Variants in ERICH1 observed in about 807,000 individuals in gnomAD.
The protein encoded by ERICH1 is glutamate rich 1.
ERICH1 carries 56 observed loss-of-function variants against 39.6 expected under a neutral mutation model. The observed-to-expected ratio is 1.41, with a 90% CI of 1.14 to 1.77. The LOEUF is 1.77. ERICH1 is among the 40% of genes most tolerant of loss of function. The probability of loss-of-function intolerance (pLI) is 0.00; values close to 1 mark genes in which losing one functional copy is unlikely to be tolerated. For synonymous variants in ERICH1, 313 were observed against 223.6 expected (o/e 1.40, Z -3.57); for missense variants, 826 against 575.4 (o/e 1.44, Z -4.45).
intron 1 of ERICH1, among the ~76,000 whole-genome samples, chr8:716,725 G>A (rs916689254): frequency 6.6e-6 from 1 of 152,200 alleles, no homozygotes; most frequent in African/African-American, 2.4e-5. Flanking sequence ...TCGCACAGTG[G>A]AAATCAGCAC....
intron 1 of ERICH1, among the ~76,000 whole-genome samples, chr8:722,271 C>A (rs1484674758): frequency 1.3e-5 from 2 of 151,290 alleles, no homozygotes. Context: ...ACGAAGCAGG[C>A]CAAGCAATCA....
intron 1 of ERICH1, among the ~76,000 whole-genome samples, chr8:721,483 G>A (rs57131701): frequency 0.15 from 23,020 of 152,220 alleles, 2,071 homozygotes; most frequent in East Asian, 0.45. Context: ...CAAGCGCCGA[G>A]CGTGCGGCCC....
intron 2 of ERICH1, among the ~76,000 whole-genome samples, chr8:695,036 C>T (rs1204427149): frequency 2.0e-5 from 3 of 152,128 alleles, no homozygotes; most frequent in Non-Finnish European, 4.4e-5. Context: ...CGTGGTGGCT[C>T]GGAGCCCTAG....
At chr8:644,081 G>A (rs893568298) in intron 3 of ERICH1, among the ~76,000 whole-genome samples, 14 of 152,214 alleles carry the variant, frequency 9.2e-5, no homozygotes, top group Non-Finnish European at 7.3e-5. Flanking sequence ...GACACAAATC[G>A]GGGAAGGTGT....
At chr8:730,226 G>T (rs1819665222) in intron 1 of ERICH1, among the ~76,000 whole-genome samples, 1 of 152,236 alleles carries the variant, frequency 6.6e-6, no homozygotes, top group Non-Finnish European at 1.5e-5. Context: ...CTGAAGGAGA[G>T]GGGGAAGCCC....
At chr8:730,866 G>T (rs1283653431) in intron 1 of ERICH1, among the ~76,000 whole-genome samples, 1 of 152,202 alleles carries the variant, frequency 6.6e-6, no homozygotes, top group Non-Finnish European at 1.5e-5. Context: ...ATCCCTGGCT[G>T]GGCTCGCCTC....
intron 2 of ERICH1, among the ~76,000 whole-genome samples, chr8:710,243 C>G (rs1467993220): frequency 6.6e-6 from 1 of 152,218 alleles, no homozygotes; most frequent in African/African-American, 2.4e-5. Flanking sequence ...GGCAGTTTCA[C>G]CGTCGTGCAA....
At chr8:671,782 G>A (rs577313635) in intron 4 of ERICH1, 1 of 163,660 alleles carries the variant, frequency 6.1e-6, no homozygotes, top group Admixed American at 6.6e-5. Flanking sequence ...GCCGGCCCCG[G>A]CTCTAATGTC....
At chr8:684,209 A>T (rs1806789896) in intron 3 of ERICH1, among the ~76,000 whole-genome samples, 1 of 152,240 alleles carries the variant, frequency 6.6e-6, no homozygotes, top group Non-Finnish European at 1.5e-5. Flanking sequence ...AATTCCCTTA[A>T]ATAAAACTGT....
chr8:615,186 C>G, exon 4 of ERICH1: 3 of 653,738 alleles, frequency 4.6e-6, no homozygotes, highest in South Asian at 3.5e-5. Context: ...GACAGTTCCT[C>G]TTGACCTGGA....
At chr8:652,396 G>C (rs560659277) in intron 3 of ERICH1, among the ~76,000 whole-genome samples, 1 of 152,246 alleles carries the variant, frequency 6.6e-6, no homozygotes, top group Non-Finnish European at 1.5e-5. Flanking sequence ...CCCGACCGTT[G>C]TTGGCTGCTG....
intron 1 of ERICH1, among the ~76,000 whole-genome samples, chr8:722,005 C>A (rs1397114913): frequency 6.6e-6 from 1 of 152,074 alleles, no homozygotes; most frequent in African/African-American, 2.4e-5. Context: ...AGCAGGAGCT[C>A]CCGGAGCCCC....
chr8:673,864 CTTTT>C lies in ERICH1; in HGVS notation c.484_487del (p.Lys162GlyfsTer3). ...AATTTGCTGTTTCTTTTTCAGTTTC[CTTTT>C]TTTATTTTTGCTTATTGTGGTGCCA... is the stretch of plus-strand genomic sequence containing the variant. On this transcript the variant is annotated frameshift_variant, in exon 4 of 6. Coordinates refer to ENST00000262109, the MANE Select transcript of ERICH1 (RefSeq NM_207332.3). LOFTEE classifies it high-confidence loss of function. The C allele has an allele frequency of 1.9e-6, 3 of 1,613,644 alleles. No homozygotes were observed. The highest frequency in any genetic ancestry group is 1.1e-5 in the South Asian group (1 of 91,058).
chr8:661,493 C>T (rs1326899873), downstream of ERICH1, among the ~76,000 whole-genome samples: 1 of 152,180 alleles, frequency 6.6e-6, no homozygotes, highest in Non-Finnish European at 1.5e-5. Context: ...ATATTGGCAA[C>T]CTGACAATTC....
chr8:621,060 C>A (rs1797251615), intron 3 of ERICH1, among the ~76,000 whole-genome samples: 2 of 152,076 alleles, frequency 1.3e-5, no homozygotes, highest in South Asian at 2.1e-4. Flanking sequence ...GGATTGAAAT[C>A]ATAAAGTATA....
intron 3 of ERICH1, among the ~76,000 whole-genome samples, chr8:658,662 G>A (rs777891051): frequency 1.2e-4 from 18 of 152,152 alleles, no homozygotes; most frequent in African/African-American, 4.3e-4. Flanking sequence ...TCATCAGGGC[G>A]GTCCTGACCC....
chr8:725,223 C>A, intron 1 of ERICH1: 1 of 187,128 alleles, frequency 5.3e-6, no homozygotes, highest in Non-Finnish European at 1.1e-5. Context: ...CTGCTGTCCT[C>A]TCCGGCTTCC....
At chr8:639,062 C>T (rs1413852657) in intron 3 of ERICH1, among the ~76,000 whole-genome samples, 2 of 152,216 alleles carry the variant, frequency 1.3e-5, no homozygotes, top group African/African-American at 4.8e-5. Flanking sequence ...TCACTGAAGA[C>T]CACGGTCCAT....
chr8:689,374 G>C (rs748123817), intron 3 of ERICH1, among the ~76,000 whole-genome samples: 6 of 152,254 alleles, frequency 3.9e-5, no homozygotes, highest in Non-Finnish European at 8.8e-5. Context: ...GCCTCCCAAA[G>C]TGCTGGAATT....
Sources: gnomAD v4.1 joint callset for allele counts (sites outside exome capture counted in the v4.1 genomes callset) on GRCh38, gnomAD v4.1.1 for gene constraint, MANE v1.5 for transcripts, NCBI Gene and HGNC (gene_info 2026-07-23, HGNC 2026-07-21) for gene names.